Variants in NALF1 observed in about 807,000 individuals in gnomAD.
The protein encoded by NALF1 is family with sequence similarity 155 member A.
A neutral mutation model predicts 48.4 loss-of-function variants in NALF1; 3 were observed. That is an observed-to-expected ratio of 0.06 (90% CI 0.03 to 0.16). The LOEUF (loss-of-function observed/expected upper bound fraction) is 0.16. Ranked by LOEUF, NALF1 falls within the 10% of genes least tolerant of loss-of-function variation. NALF1 has a pLI of 1.00. For missense variants in NALF1, 526 were observed against 571.5 expected (o/e 0.92, Z 0.81); for synonymous variants, 262 against 245.7 (o/e 1.07, Z -0.62).
intron 2 of NALF1, among the ~76,000 whole-genome samples, chr13:107,174,606 C>T (rs183988631): frequency 2.0e-5 from 3 of 152,176 alleles, no homozygotes; most frequent in Admixed American, 6.5e-5. Flanking sequence ...CCACCCGCCT[C>T]GGCCTCCCAG....
chr13:107,539,406 C>A (rs1347006808), intron 1 of NALF1, among the ~76,000 whole-genome samples: 1 of 150,284 alleles, frequency 6.7e-6, no homozygotes, highest in Non-Finnish European at 1.5e-5. Context: ...GAGGGCTCTG[C>A]CCTTGTGAGT....
intron 1 of NALF1, among the ~76,000 whole-genome samples, chr13:107,544,568 A>C (rs1877085099): frequency 6.6e-6 from 1 of 152,326 alleles, no homozygotes; most frequent in Non-Finnish European, 1.5e-5. Context: ...AGACAAGTTT[A>C]GAACCCCACA....
At chr13:107,183,501 C>T (rs906443942) in intron 2 of NALF1, among the ~76,000 whole-genome samples, 2 of 152,012 alleles carry the variant, frequency 1.3e-5, no homozygotes, top group Non-Finnish European at 2.9e-5. Flanking sequence ...GGGTATATAC[C>T]CAAAGGATCA....
chr13:107,593,873 C>A (rs1002867323), intron 1 of NALF1, among the ~76,000 whole-genome samples: 2 of 150,898 alleles, frequency 1.3e-5, no homozygotes, highest in Non-Finnish European at 3.0e-5. Context: ...TGTCTTGGAT[C>A]AGGTGCCATA....
chr13:107,244,956 A>G (rs1448500415), intron 1 of NALF1, among the ~76,000 whole-genome samples: 1 of 152,202 alleles, frequency 6.6e-6, no homozygotes, highest in African/African-American at 2.4e-5. Flanking sequence ...GAACTCACTA[A>G]GAGCCATTCA....
At chr13:107,598,159 C>T (rs567611184) in intron 1 of NALF1, among the ~76,000 whole-genome samples, 52 of 152,268 alleles carry the variant, frequency 3.4e-4, no homozygotes, top group African/African-American at 1.2e-3. Flanking sequence ...AACATGCACA[C>T]ACAATACACA....
chr13:107,627,213 C>G (rs1157107822), intron 1 of NALF1, among the ~76,000 whole-genome samples: 5 of 151,980 alleles, frequency 3.3e-5, no homozygotes, highest in Non-Finnish European at 7.4e-5. Context: ...GTTATGATTT[C>G]TCACAGGAAA....
At chr13:107,864,254 A>G (rs1280683359) in intron 1 of NALF1, among the ~76,000 whole-genome samples, 1 of 152,242 alleles carries the variant, frequency 6.6e-6, no homozygotes, top group African/African-American at 2.4e-5. Flanking sequence ...AATGTTGTAA[A>G]TTCAGACTTA....
intron 1 of NALF1, among the ~76,000 whole-genome samples, chr13:107,770,864 T>C (rs532929262): frequency 6.6e-6 from 1 of 152,334 alleles, no homozygotes; most frequent in African/African-American, 2.4e-5. Context: ...TTTCTTTTTT[T>C]GCTTTGTTTT....
intron 1 of NALF1, among the ~76,000 whole-genome samples, chr13:107,416,013 C>CT (rs200025051): frequency 0.059 from 8,200 of 139,900 alleles, 373 homozygotes; most frequent in East Asian, 0.17. Context: ...ATTTTTTTTT[C>CT]TTTTTTTTTT....
At chr13:107,641,186 T>C (rs1235990081) in intron 1 of NALF1, among the ~76,000 whole-genome samples, 1 of 152,132 alleles carries the variant, frequency 6.6e-6, no homozygotes, top group East Asian at 1.9e-4. Context: ...TTCCCACTCA[T>C]ATGTGGAAGC....
intron 1 of NALF1, among the ~76,000 whole-genome samples, chr13:107,517,417 T>C (rs1202655773): frequency 6.7e-6 from 1 of 149,600 alleles, no homozygotes; most frequent in African/African-American, 2.5e-5. Flanking sequence ...GATCACAAGA[T>C]CAGGAGATCG....
At chr13:107,860,489 G>A (rs952996402) in intron 1 of NALF1, among the ~76,000 whole-genome samples, 3 of 152,050 alleles carry the variant, frequency 2.0e-5, no homozygotes, top group Admixed American at 6.6e-5. Context: ...CCATGACACC[G>A]GCAGGACGAT....
At chr13:107,609,307 G>A (rs1006482563) in intron 1 of NALF1, among the ~76,000 whole-genome samples, 2 of 152,118 alleles carry the variant, frequency 1.3e-5, no homozygotes, top group Non-Finnish European at 2.9e-5. Flanking sequence ...ACATCATTCT[G>A]TCCTTGCAAC....
intron 1 of NALF1, among the ~76,000 whole-genome samples, chr13:107,379,310 A>T (rs1883391692): frequency 6.6e-6 from 1 of 152,162 alleles, no homozygotes; most frequent in Admixed American, 6.5e-5. Context: ...AGCAACAATG[A>T]CTTTAAATGC....
intron 1 of NALF1, among the ~76,000 whole-genome samples, chr13:107,353,550 T>C (rs1244699740): frequency 6.6e-6 from 1 of 152,230 alleles, no homozygotes. Flanking sequence ...ATGTGCTTCA[T>C]AATAATGTCG....
At chr13:107,645,680 C>CAAAAAAAAAAAAAAAAAAAAAAAAA (rs56187783) in intron 1 of NALF1, among the ~76,000 whole-genome samples, 1 of 132,502 alleles carries the variant, frequency 7.5e-6, no homozygotes, top group African/African-American at 2.9e-5. Context: ...TACTGGGAGA[C>CAAAAAAAAAAAAAAAAAAAAAAAAA]AAAAAAAAAA....
chr13:107,858,617 A>G (rs1420949085), intron 1 of NALF1, among the ~76,000 whole-genome samples: 1 of 152,172 alleles, frequency 6.6e-6, no homozygotes, highest in African/African-American at 2.4e-5. Flanking sequence ...GAACTGGGAG[A>G]CAGAGGTAGC....
chr13:107,723,601 T>C (rs545037252), intron 1 of NALF1, among the ~76,000 whole-genome samples: 2 of 152,332 alleles, frequency 1.3e-5, no homozygotes, highest in South Asian at 2.1e-4. Context: ...GGAGAGAATA[T>C]TGCAGGCCAG....
Sources: allele counts gnomAD v4.1 joint callset (sites outside exome capture counted in the v4.1 genomes callset), GRCh38; gene constraint gnomAD v4.1.1; transcripts MANE v1.5; gene names NCBI Gene and HGNC (gene_info 2026-07-23, HGNC 2026-07-21).